Variants in EPRS1 observed in about 807,000 individuals in gnomAD.
EPRS1 encodes bifunctional glutamate/proline--tRNA ligase.
EPRS1 carries 107 observed loss-of-function variants against 188.3 expected under a neutral mutation model. The observed-to-expected ratio is 0.57, with a 90% CI of 0.49 to 0.67. The LOEUF (loss-of-function observed/expected upper bound fraction) is 0.67. Ranked by LOEUF, EPRS1 falls within the 30% of genes least tolerant of loss-of-function variation. The pLI is 0.00. For synonymous variants in EPRS1, 596 were observed against 593.1 expected, an observed-to-expected ratio of 1.00 and a Z score of -0.07; for missense variants, 1,577 against 1,802.2, an observed-to-expected ratio of 0.88 and a Z score of 2.26.
intron 16 of EPRS1, 64 bp downstream of exon 16, chr1:220,005,184 A>G (rs1166218583): frequency 8.0e-6 from 5 of 628,754 alleles, no homozygotes; most frequent in African/African-American, 1.9e-5. Flanking sequence ...TTCAATTTCT[A>G]AAATATTACT....
In EPRS1 at chr1:220,030,385, C is replaced by T; in HGVS notation, c.623+1G>A. ...TATAAATGTGAGTTACATTTTCTTA[C>T]CCACTGGCCTCTGGAGGAAATCTGA... On this transcript the variant is annotated splice_donor_variant, in intron 6 of 31. Coordinates refer to ENST00000366923, the MANE Select transcript of EPRS1 (RefSeq NM_004446.3). LOFTEE classifies it high-confidence loss of function. The T allele has an allele frequency of 6.2e-7, 1 of 1,602,272 alleles. No individual in the cohort carries two copies. The highest frequency in any genetic ancestry group is 8.6e-7 in the Non-Finnish European group (1 of 1,169,388).
intron 27 of EPRS1, 56 bp downstream of exon 27, chr1:219,979,362 A>C (rs1490529493): frequency 5.2e-6 from 7 of 1,341,992 alleles, no homozygotes; most frequent in African/African-American, 4.4e-5. Context: ...AATTTCCTTT[A>C]GTAAATATGG....
Position 219,978,532 on chromosome 1 carries a change from G to C in EPRS1, c.4083+14C>G. Reference sequence around the variant, plus strand: ...GCAGATGTTGGGGGTAAAAGATAAAGCTTAGGAATTTACCTTGAGCTCCCA... The same window carrying C: ...GCAGATGTTGGGGGTAAAAGATAAACCTTAGGAATTTACCTTGAGCTCCCA... On this transcript the variant is annotated intron_variant, in intron 28 of 31. Transcript: ENST00000366923. 1 of 1,549,246 alleles carries C rather than the reference G, an allele frequency of 6.5e-7. No homozygotes were observed. The highest frequency in any genetic ancestry group is 8.8e-7 in the Non-Finnish European group (1 of 1,140,730).
intron 13 of EPRS1, among the ~76,000 whole-genome samples, chr1:220,009,354 A>G: frequency 6.6e-6 from 1 of 152,244 alleles, no homozygotes; most frequent in East Asian, 1.9e-4. Context: ...AAGCTTGGCT[A>G]CTAGTATATG....
intron 17 of EPRS1, among the ~76,000 whole-genome samples, chr1:219,999,844 T>C (rs1661310734): frequency 6.6e-6 from 1 of 152,114 alleles, no homozygotes; most frequent in African/African-American, 2.4e-5. Context: ...GGCATGGTGG[T>C]GCGTGACTTT....
At chr1:219,985,629 T>G (rs1170901858) in intron 20 of EPRS1, among the ~76,000 whole-genome samples, 1 of 152,038 alleles carries the variant, frequency 6.6e-6, no homozygotes, top group Non-Finnish European at 1.5e-5. Flanking sequence ...GGTCTCAAAC[T>G]CCTGACCTCA....
At position 220,046,492 on chromosome 1, in the gene EPRS1, C is replaced by CCGCCGCAGCCTTCGCTCCGCCCCTG; in HGVS notation, c.-105_-104insCAGGGGCGGAGCGAAGGCTGCGGCG. The CCGCCGCAGCCTTCGCTCCGCCCCTG allele has an allele frequency of 2.0e-6, 3 of 1,525,308 alleles. No individual in the cohort carries two copies. In the South Asian group the frequency reaches 3.6e-5, roughly 18 times the overall value. 94.5% of individuals were successfully genotyped at this position (1,525,308 alleles called of 1,614,324 possible). A position where few individuals can be genotyped will look rare whatever the true frequency, so the allele number is the denominator to read the frequency against. The stretch of plus-strand genomic sequence containing the variant: ...ATGCAACGTGTGCGCGTACCCGACG[C>CCGCCGCAGCCTTCGCTCCGCCCCTG]CGCCGCAGCCTTCGCTCCGCCCCTG... On this transcript the variant is annotated 5_prime_UTR_variant, in exon 1 of 32. Coordinates refer to ENST00000366923, the MANE Select transcript of EPRS1 (RefSeq NM_004446.3).
chr1:220,046,181 G>A (rs1012519596), intron 1 of EPRS1, among the ~76,000 whole-genome samples, 162 bp downstream of exon 1: 2 of 152,136 alleles, frequency 1.3e-5, no homozygotes, highest in East Asian at 3.9e-4. Flanking sequence ...CACGGGGCGA[G>A]GGGTGCGGAG....
At chr1:220,042,181 CA>C (rs1204286086) in intron 1 of EPRS1, among the ~76,000 whole-genome samples, 378 of 62,680 alleles carry the variant, frequency 6.0e-3, no homozygotes, top group African/African-American at 0.012. Flanking sequence ...ACTCCGTCCC[CA>C]AAAAAAAAAA....
intron 23 of EPRS1, among the ~76,000 whole-genome samples, chr1:219,982,261 T>C (rs532294137): frequency 3.1e-4 from 47 of 152,296 alleles, no homozygotes; most frequent in Non-Finnish European, 4.6e-4. Flanking sequence ...AGAAAAATCA[T>C]TTAATCTTTC....
At chr1:220,009,848 T>G (rs1017053137) in intron 13 of EPRS1, among the ~76,000 whole-genome samples, 2 of 152,014 alleles carry the variant, frequency 1.3e-5, no homozygotes, top group Admixed American at 1.3e-4. Context: ...AATCCCAGTA[T>G]TTTGGGAGGA....
chr1:219,978,490 A>G (rs1468117240), intron 28 of EPRS1, 56 bp downstream of exon 28: 2 of 1,358,008 alleles, frequency 1.5e-6, no homozygotes, highest in Non-Finnish European at 1.0e-6. Context: ...ATGCAGAGGA[A>G]AATCTAAACT....
chr1:220,027,464 C>T (rs1230592499), intron 6 of EPRS1, among the ~76,000 whole-genome samples: 4 of 150,632 alleles, frequency 2.7e-5, no homozygotes, highest in Non-Finnish European at 5.9e-5. Flanking sequence ...TGGTGGTGGG[C>T]GCCTGTAATC....
Position 220,045,047 on chromosome 1 carries a change from A to G in EPRS1, c.46+1296T>C, listed in dbSNP as rs560890093. Among the ~76,000 whole-genome samples the G allele has an allele frequency of 2.0e-4, 30 of 152,360 alleles. No individual in the cohort carries two copies. The South Asian group carries it at 6.0e-3, about 30-fold the overall frequency. ...CATCTTTTAAATGTTTAAAATGGCT[A>G]TTAAGTTGTGTTTTTGTTCAACAAC... On this transcript the variant is annotated intron_variant, in intron 1 of 31. Coordinates refer to ENST00000366923, the MANE Select transcript of EPRS1 (RefSeq NM_004446.3).
chr1:219,971,225 C>A (rs1571826028), intron 30 of EPRS1, among the ~76,000 whole-genome samples: 2 of 151,990 alleles, frequency 1.3e-5, no homozygotes. Flanking sequence ...AACATGTATA[C>A]CAGAATACTA....
At chr1:220,033,051 T>C (rs979007064) in intron 4 of EPRS1, among the ~76,000 whole-genome samples, 13 of 152,214 alleles carry the variant, frequency 8.5e-5, no homozygotes, top group African/African-American at 3.1e-4. Context: ...AAACTAGTTG[T>C]AGAAGAAGGA....
chr1:220,034,445 G>A (rs952131762), intron 3 of EPRS1, among the ~76,000 whole-genome samples: 6 of 151,642 alleles, frequency 4.0e-5, no homozygotes, highest in African/African-American at 1.5e-4. Flanking sequence ...CCATTGTTAA[G>A]AGGCACATGA....
Position 220,019,046 on chromosome 1 carries a change from T to C in EPRS1, c.1383A>G (p.Val461=). ...CTTCAACTGTCATCCCTCTTCTCAG[T>C]ACACCACGAACCGTAGGAAATCTTG... ...DDPRFPTVRG[V]LRRGMTVEGL... The change falls in exon 11 of 32, where the codon GTA becomes GTG. Residue 461 remains valine, a synonymous_variant. Coordinates refer to ENST00000366923, the MANE Select transcript of EPRS1 (RefSeq NM_004446.3). 1.2e-6 allele frequency: 2 copies of C among 1,613,406 alleles called. No individual in the cohort carries two copies. Among genetic ancestry groups the C allele is most frequent in the African/African-American group, 1.3e-5 (1 of 75,020 alleles).
intron 12 of EPRS1, chr1:220,018,011 T>G (rs1661756101): frequency 1.9e-6 from 1 of 516,286 alleles, no homozygotes; most frequent in South Asian, 1.8e-5. Context: ...TGCGTTTGTA[T>G]AAGCAAGTCT....
Sources: gnomAD v4.1 joint callset for allele counts (sites outside exome capture counted in the v4.1 genomes callset) on GRCh38, gnomAD v4.1.1 for gene constraint, MANE v1.5 for transcripts, NCBI Gene and HGNC (gene_info 2026-07-23, HGNC 2026-07-21) for gene names.